PLCZ1: variants seen among roughly 807,000 people sequenced by gnomAD.
PLCZ1 encodes phospholipase C zeta 1.
A neutral mutation model predicts 76.8 loss-of-function variants in PLCZ1; 64 were observed. That is an observed-to-expected ratio of 0.83 (90% CI 0.68 to 1.03). The LOEUF (loss-of-function observed/expected upper bound fraction) is 1.03. Ranked by LOEUF, PLCZ1 falls within the 50% of genes least tolerant of loss-of-function variation. The pLI is 0.00. For missense variants in PLCZ1, 751 were observed against 713.7 expected (o/e 1.05, Z -0.60); for synonymous variants, 248 against 230.8 (o/e 1.07, Z -0.68).
Position 18,709,395 on chromosome 12 carries a change from G to T in PLCZ1, c.714+3447C>A, listed in dbSNP as rs1284804020. The stretch of plus-strand genomic sequence containing the variant: ...TCTATATGTCTGTTTTTCTGCACAG[G>T]ACCATGCTGTATTGATTACTATAGC... On this transcript the variant is annotated intron_variant, in intron 6 of 14. Coordinates refer to ENST00000266505, the MANE Select transcript of PLCZ1 (RefSeq NM_033123.4). Among the ~76,000 whole-genome samples, 35 of 151,978 alleles carry T rather than the reference G, an allele frequency of 2.3e-4. 1 individual carries two copies.
At chr12:18,728,412 T>A (rs1592281179) in intron 3 of PLCZ1, among the ~76,000 whole-genome samples, 2 of 152,196 alleles carry the variant, frequency 1.3e-5, no homozygotes, top group Non-Finnish European at 2.9e-5. Context: ...TTACATGTCT[T>A]CAACGTTCAG....
chr12:18,704,509 A>G (rs568699325), intron 7 of PLCZ1, among the ~76,000 whole-genome samples: 11 of 152,216 alleles, frequency 7.2e-5, no homozygotes, highest in Non-Finnish European at 8.8e-5. Flanking sequence ...TATTTTTAGT[A>G]GAGACGGGGT....
chr12:18,708,870 T>A (rs145274006), intron 6 of PLCZ1, among the ~76,000 whole-genome samples: 1 of 152,156 alleles, frequency 6.6e-6, no homozygotes, highest in African/African-American at 2.4e-5. Context: ...TTTTTTCCAC[T>A]AATGAGTTGT....
the PLCZ1 span, among the ~76,000 whole-genome samples, chr12:18,674,097 G>A: frequency 6.6e-6 from 1 of 152,168 alleles, no homozygotes; most frequent in Admixed American, 6.5e-5. Context: ...CCACAACTGT[G>A]AAGAATAAAA....
chr12:18,677,029 T>C, the PLCZ1 span, among the ~76,000 whole-genome samples: 1 of 152,142 alleles, frequency 6.6e-6, no homozygotes, highest in East Asian at 1.9e-4. Flanking sequence ...ATGAACAATA[T>C]AAAGATGAAT....
the PLCZ1 span, chr12:18,648,519 G>A: frequency 2.3e-5 from 4 of 173,106 alleles, no homozygotes; most frequent in East Asian, 2.2e-4. Context: ...TCAGCAGAAT[G>A]CTATATTATT....
chr12:18,682,129 G>A (rs1424044302), downstream of PLCZ1, among the ~76,000 whole-genome samples: 2 of 152,016 alleles, frequency 1.3e-5, no homozygotes, highest in Admixed American at 6.6e-5. Context: ...GGTGGAAACT[G>A]GAAGATTGTG....
intron 10 of PLCZ1, among the ~76,000 whole-genome samples, chr12:18,696,723 A>G (rs1310765619): frequency 6.6e-6 from 1 of 152,102 alleles, no homozygotes; most frequent in Admixed American, 6.6e-5. Context: ...TTCCAGCTAA[A>G]TTAATCCTAC....
the PLCZ1 span, among the ~76,000 whole-genome samples, chr12:18,650,712 C>CTATATATA: frequency 8.2e-4 from 12 of 14,614 alleles, no homozygotes; most frequent in South Asian, 3.5e-3. Context: ...GTGTATATAT[C>CTATATATA]TATATATATA....
At chr12:18,691,252 T>C (rs551214646) in intron 12 of PLCZ1, among the ~76,000 whole-genome samples, 40 of 152,246 alleles carry the variant, frequency 2.6e-4, no homozygotes, top group African/African-American at 9.6e-4. Flanking sequence ...ATGGGGCAAT[T>C]TGTTGACATT....
the PLCZ1 span, among the ~76,000 whole-genome samples, chr12:18,656,050 A>G: frequency 6.6e-6 from 1 of 152,216 alleles, no homozygotes; most frequent in Non-Finnish European, 1.5e-5. Flanking sequence ...GACAAATTCT[A>G]ATATAAGTTG....
chr12:18,702,014 C>T (rs1461253269), intron 7 of PLCZ1, among the ~76,000 whole-genome samples: 6 of 151,846 alleles, frequency 4.0e-5, no homozygotes, highest in African/African-American at 7.3e-5. Context: ...TTACCATATG[C>T]CATTTTTTTT....
At chr12:18,676,645 GAAC>G in the PLCZ1 span, among the ~76,000 whole-genome samples, 5 of 152,064 alleles carry the variant, frequency 3.3e-5, no homozygotes, top group African/African-American at 1.2e-4. Flanking sequence ...GATGAAAGTA[GAAC>G]AATAAGCAGG....
intron 12 of PLCZ1, among the ~76,000 whole-genome samples, chr12:18,689,443 T>C (rs1416384534): frequency 6.6e-6 from 1 of 152,184 alleles, no homozygotes; most frequent in African/African-American, 2.4e-5. Context: ...AGATTCTTTT[T>C]GCATTTTTTA....
intron 3 of PLCZ1, chr12:18,735,787 TTC>T (rs1959208501): frequency 6.5e-6 from 1 of 152,882 alleles, no homozygotes; most frequent in Admixed American, 6.5e-5. Context: ...TATTTAACTT[TTC>T]AAAAAAACAA....
chr12:18,681,404 A>AT (rs1350767537), downstream of PLCZ1, among the ~76,000 whole-genome samples: 2 of 151,950 alleles, frequency 1.3e-5, no homozygotes, highest in Non-Finnish European at 2.9e-5. Flanking sequence ...TACCAACACA[A>AT]TTTTTTCTTG....
chr12:18,719,798 G>T (rs958605554), intron 4 of PLCZ1, among the ~76,000 whole-genome samples, 166 bp from the exon 5 acceptor site: 1 of 151,900 alleles, frequency 6.6e-6, no homozygotes. Flanking sequence ...ACAAATTTTT[G>T]TAGTAAAACC....
intron 6 of PLCZ1, among the ~76,000 whole-genome samples, chr12:18,709,458 C>A (rs1180679442): frequency 6.6e-6 from 1 of 152,078 alleles, no homozygotes; most frequent in East Asian, 1.9e-4. Context: ...TGTGATGCCT[C>A]CAACTTTGTT....
At chr12:18,723,256 AG>A in intron 4 of PLCZ1, 54 bp downstream of exon 4, 1 of 1,473,454 alleles carries the variant, frequency 6.8e-7, no homozygotes, top group Non-Finnish European at 9.2e-7. Context: ...TTTTGAAAAA[AG>A]AAAAAATACT....
Sources: gnomAD v4.1 joint callset for allele counts (sites outside exome capture counted in the v4.1 genomes callset) on GRCh38, gnomAD v4.1.1 for gene constraint, MANE v1.5 for transcripts, NCBI Gene and HGNC (gene_info 2026-07-23, HGNC 2026-07-21) for gene names.